The following BUB1B variants were observed in gnomAD, a reference collection of about 807,000 sequenced individuals.
The protein encoded by BUB1B is BUB1 mitotic checkpoint serine/threonine kinase B.
A neutral mutation model predicts 137.7 loss-of-function variants in BUB1B; 86 were observed. The ratio of observed to expected loss-of-function variants is 0.62; its 90% confidence interval spans 0.52 to 0.75. The LOEUF (loss-of-function observed/expected upper bound fraction) is 0.75. BUB1B is among the 30% of genes least tolerant of loss of function. BUB1B has a pLI of 0.00. For synonymous variants in BUB1B, 420 were observed against 417.9 expected (o/e 1.00, Z -0.06); for missense variants, 1,130 against 1,236.9 (o/e 0.91, Z 1.30).
At chr15:40,218,601 A>G (rs750698618) in intron 22 of BUB1B, 39 bp downstream of exon 22, 44 of 1,472,104 alleles carry the variant, frequency 3.0e-5, no homozygotes, top group African/African-American at 8.3e-5. Flanking sequence ...GCCTGTCCCA[A>G]TAATTTTCTG....
At chr15:40,210,437 A>G (rs911302001) in intron 18 of BUB1B, among the ~76,000 whole-genome samples, 32 of 152,198 alleles carry the variant, frequency 2.1e-4, no homozygotes, top group Admixed American at 4.6e-4. Context: ...ACCACACACA[A>G]TCACCTTGGA....
rs1470022953 is a variant in BUB1B, at chr15:40,176,663, TC to T, written c.574del (p.Gln192SerfsTer36). The T allele has an allele frequency of 1.2e-6, 2 of 1,614,102 alleles. No individual in the cohort carries two copies. Among genetic ancestry groups the T allele is most frequent in the Non-Finnish European group, 1.7e-6 (2 of 1,179,974 alleles). On this transcript the variant is annotated frameshift_variant, in exon 5 of 23. Transcript: ENST00000287598. LOFTEE classifies it high-confidence loss of function. The stretch of plus-strand genomic sequence containing the variant: ...GGCTGAACCACTAGAAAGACTACAG[TC>T]CCAGCACCGGTAAACTTTCTTTGGA... ...QKAEPLERLQ[S>X]QHRQFQARVS...
At chr15:40,182,916 T>A (rs2140889291) in intron 5 of BUB1B, among the ~76,000 whole-genome samples, 1 of 152,304 alleles carries the variant, frequency 6.6e-6, no homozygotes, top group African/African-American at 2.4e-5. Context: ...CTCTCCACAG[T>A]CTGCTTGCTT....
At chr15:40,207,351 C>A (rs2140904717) in intron 15 of BUB1B, among the ~76,000 whole-genome samples, 1 of 152,266 alleles carries the variant, frequency 6.6e-6, no homozygotes, top group Admixed American at 6.5e-5. Flanking sequence ...CCTCTGTAAT[C>A]CTGGCACTTT....
At chr15:40,168,388 AAG>A (rs1416587941) in intron 2 of BUB1B, among the ~76,000 whole-genome samples, 8 of 152,068 alleles carry the variant, frequency 5.3e-5, no homozygotes, top group Non-Finnish European at 1.2e-4. Context: ...GAAAAGGAAA[AAG>A]AGAAAAGAAA....
intron 20 of BUB1B, among the ~76,000 whole-genome samples, chr15:40,216,318 G>A (rs1182940730): frequency 6.6e-6 from 1 of 151,758 alleles, no homozygotes; most frequent in African/African-American, 2.4e-5. Context: ...CACACCAGTA[G>A]TCCCAGCTAC....
chr15:40,185,041 C>CTTTTTTTTTTTTTTTTTTTTT, intron 6 of BUB1B, 124 bp from the exon 7 acceptor site: 1 of 599,128 alleles, frequency 1.7e-6, no homozygotes, highest in Non-Finnish European at 2.7e-6. Context: ...TTTAAAATTT[C>CTTTTTTTTTTTTTTTTTTTTT]TTTTTTTTTT....
At chr15:40,201,033 TG>T in intron 12 of BUB1B, 53 bp downstream of exon 12, 1 of 1,498,342 alleles carries the variant, frequency 6.7e-7, no homozygotes, top group South Asian at 1.1e-5. Context: ...AAATGTATTA[TG>T]TAATAAATGG....
chr15:40,166,532 G>A (rs1355057642), intron 2 of BUB1B: 1 of 277,352 alleles, frequency 3.6e-6, no homozygotes, highest in Non-Finnish European at 7.0e-6. Context: ...AGTAGAGACG[G>A]GGTTTCACCG....
At chr15:40,186,394 C>T (rs1012503668) in intron 8 of BUB1B, among the ~76,000 whole-genome samples, 1 of 150,102 alleles carries the variant, frequency 6.7e-6, no homozygotes. Flanking sequence ...AACAAGCCAG[C>T]CTGAGATTTA....
chr15:40,177,714 T>G (rs910519930), intron 5 of BUB1B, among the ~76,000 whole-genome samples: 1 of 151,982 alleles, frequency 6.6e-6, no homozygotes, highest in African/African-American at 2.4e-5. Context: ...TGACTTTCTA[T>G]ATAAGTTTTA....
At chr15:40,218,408 G>C (rs754567592) in intron 21 of BUB1B, 48 bp from the exon 22 acceptor site, 3 of 1,368,118 alleles carry the variant, frequency 2.2e-6, no homozygotes, top group Non-Finnish European at 3.1e-6. Context: ...AGCTGCCATG[G>C]TAGAGGCAGA....
intron 4 of BUB1B, among the ~76,000 whole-genome samples, chr15:40,176,116 A>T (rs905805535): frequency 6.6e-6 from 1 of 151,968 alleles, no homozygotes; most frequent in African/African-American, 2.4e-5. Flanking sequence ...GCCCAGCTAA[A>T]GTTTTAAATT....
chr15:40,209,999 C>T (rs1283389019), intron 17 of BUB1B, 111 bp from the exon 18 acceptor site: 1 of 1,012,872 alleles, frequency 9.9e-7, no homozygotes, highest in East Asian at 2.5e-5. Flanking sequence ...ATTCTAGATA[C>T]TACTAACTGG....
Position 40,220,657 on chromosome 15 carries a change from A to G in BUB1B, c.3051A>G (p.Ala1017=). Residue 1017 remains alanine (A), a synonymous_variant, in exon 23 of 23, where the codon GCA becomes GCG. Transcript: ENST00000287598. ...ATVSVLGELA[A]EMNGVFDTTF... is the part of the protein sequence containing the mutation. Reference sequence around the variant, plus strand: ...TGTCTGTTCTTGGGGAGCTTGCAGCAGAAATGAATGGGGTTTTTGACACTA... The same window carrying G: ...TGTCTGTTCTTGGGGAGCTTGCAGCGGAAATGAATGGGGTTTTTGACACTA... 2 of 1,614,232 alleles carry G rather than the reference A, an allele frequency of 1.2e-6. No individual in the cohort carries two copies. The highest frequency in any genetic ancestry group is 1.3e-5 in the African/African-American group (1 of 75,058).
intron 1 of BUB1B, among the ~76,000 whole-genome samples, chr15:40,162,748 G>A (rs1443248664): frequency 6.6e-6 from 1 of 152,140 alleles, no homozygotes; most frequent in Non-Finnish European, 1.5e-5. Context: ...AGTGGGGGCA[G>A]TCTTAGCTCA....
chr15:40,199,434 A>G (rs374066045), intron 9 of BUB1B, among the ~76,000 whole-genome samples, 181 bp from the exon 10 acceptor site: 4 of 152,254 alleles, frequency 2.6e-5, no homozygotes, highest in South Asian at 4.1e-4. Flanking sequence ...AAGGTATTCT[A>G]TTTTTTTATT....
intron 8 of BUB1B, 62 bp downstream of exon 8, chr15:40,185,704 T>C (rs1323686401): frequency 6.8e-7 from 1 of 1,473,796 alleles, no homozygotes; most frequent in Non-Finnish European, 9.5e-7. Context: ...AGGCACCTAT[T>C]CTACTTCCCA....
Position 40,200,120 on chromosome 15 carries a change from G to T in BUB1B, c.1402-124G>T, listed in dbSNP as rs78446594. 0.047 allele frequency: 34,931 copies of T among 743,616 alleles called. 1,054 individuals carry two copies. Among genetic ancestry groups the T allele is most frequent in the Middle Eastern group, 0.061 (238 of 3,918 alleles). 46.1% of individuals were successfully genotyped at this position (743,616 alleles called of 1,614,324 possible). On this transcript the variant is annotated intron_variant, in intron 10 of 22. Coordinates refer to ENST00000287598, the MANE Select transcript of BUB1B (RefSeq NM_001211.6). The stretch of plus-strand genomic sequence containing the variant: ...AAAATTATTGGAAATGACTTTTGTG[G>T]TACACTCATTTTGTACTGTTAGTGG...
Sources: allele counts gnomAD v4.1 joint callset (sites outside exome capture counted in the v4.1 genomes callset), GRCh38; gene constraint gnomAD v4.1.1; transcripts MANE v1.5; gene names NCBI Gene and HGNC (gene_info 2026-07-23, HGNC 2026-07-21).